The following PAPPA2 variants were observed in gnomAD, a reference collection of about 807,000 sequenced individuals.
The protein encoded by PAPPA2 is pappalysin 2, also known as pappalysin-2.
In PAPPA2, 86 loss-of-function variants were observed where a neutral mutation model predicts 176.4. The ratio of observed to expected loss-of-function variants is 0.49; its 90% CI spans 0.41 to 0.58. The LOEUF (loss-of-function observed/expected upper bound fraction) is 0.58, where lower values mean the gene tolerates loss of function less well. Among genes scored for constraint, PAPPA2 ranks in the 20% least tolerant of loss-of-function variants. PAPPA2 has a pLI of 0.00. For missense variants in PAPPA2, 2,073 were observed against 2,256.9 expected, an observed-to-expected ratio of 0.92 and a Z score of 1.65; for synonymous variants, 809 against 852.2, an observed-to-expected ratio of 0.95 and a Z score of 0.88.
At chr1:176,816,168 A>T (rs1361512314) in intron 21 of PAPPA2, among the ~76,000 whole-genome samples, 1 of 118,716 alleles carries the variant, frequency 8.4e-6, no homozygotes, top group East Asian at 2.5e-4. Flanking sequence ...ATATATATAT[A>T]TATATATATA....
At chr1:176,472,406 T>A (rs1651922922) in intron 1 of PAPPA2, among the ~76,000 whole-genome samples, 1 of 152,188 alleles carries the variant, frequency 6.6e-6, no homozygotes. Flanking sequence ...TCATTGACAT[T>A]TGAATCCTTT....
At chr1:176,802,575 CACAG>C (rs1372039711) in intron 21 of PAPPA2, among the ~76,000 whole-genome samples, 1 of 152,124 alleles carries the variant, frequency 6.6e-6, no homozygotes. Flanking sequence ...AAAAGTGCAG[CACAG>C]AAATCTGAGC....
At chr1:176,467,335 C>A (rs897549122) in intron 1 of PAPPA2, among the ~76,000 whole-genome samples, 3 of 152,196 alleles carry the variant, frequency 2.0e-5, no homozygotes, top group South Asian at 2.1e-4. Flanking sequence ...AGCTGAGGAG[C>A]TTTTCTCCTC....
Position 176,537,320 on chromosome 1 carries a change from T to C in PAPPA2, c.-916-18087T>C, listed in dbSNP as rs960748273. 2.0e-5 allele frequency: 3 copies of C among 152,376 alleles called. No homozygotes were observed. In the South Asian group the frequency reaches 6.2e-4, roughly 32 times the overall value. 9.4% of individuals were successfully genotyped at this position (152,376 alleles called of 1,614,324 possible). A position where few individuals can be genotyped will look rare whatever the true frequency, so the allele number is the denominator to read the frequency against. Reference sequence around the variant, plus strand: ...CCCAGCCCTACTCCTCTCAAGGCAGTGGACAAGGCTCACGTGTTAGAAAGT... The same window carrying C: ...CCCAGCCCTACTCCTCTCAAGGCAGCGGACAAGGCTCACGTGTTAGAAAGT... On this transcript the variant is annotated intron_variant, in intron 1 of 22. Transcript: ENST00000367662.
At chr1:176,687,473 G>T (rs770887502) in intron 4 of PAPPA2, among the ~76,000 whole-genome samples, 18 of 152,148 alleles carry the variant, frequency 1.2e-4, no homozygotes, top group Non-Finnish European at 2.2e-4. Context: ...AGAGACTTCT[G>T]CTGGTTGATG....
chr1:176,599,188 TAC>T (rs1308154237), intron 3 of PAPPA2, among the ~76,000 whole-genome samples: 3 of 147,522 alleles, frequency 2.0e-5, no homozygotes, highest in Non-Finnish European at 4.5e-5. Context: ...TGTATGTATG[TAC>T]ATATATATAT....
At chr1:176,497,603 C>A (rs1279261103) in intron 1 of PAPPA2, among the ~76,000 whole-genome samples, 2 of 151,416 alleles carry the variant, frequency 1.3e-5, no homozygotes, top group African/African-American at 4.9e-5. Context: ...AGTTTTCACA[C>A]AAAAAAAAGG....
At chr1:176,542,493 C>A (rs1200419271) in intron 1 of PAPPA2, among the ~76,000 whole-genome samples, 1 of 152,210 alleles carries the variant, frequency 6.6e-6, no homozygotes, top group East Asian at 1.9e-4. Flanking sequence ...TGTCAGACAG[C>A]CTGTGCTGTC....
At chr1:176,715,983 TTAATA>T (rs1289657812) in intron 12 of PAPPA2, among the ~76,000 whole-genome samples, 6 of 150,472 alleles carry the variant, frequency 4.0e-5, no homozygotes, top group African/African-American at 1.2e-4. Context: ...TATATTAATA[TTAATA>T]TATTAATTAA....
intron 12 of PAPPA2, among the ~76,000 whole-genome samples, chr1:176,715,713 A>G (rs1405902371): frequency 1.3e-5 from 2 of 152,288 alleles, no homozygotes; most frequent in Middle Eastern, 3.4e-3. Flanking sequence ...TAAATGAGCA[A>G]TGACGTTGAT....
At chr1:176,672,273 A>T in intron 4 of PAPPA2, among the ~76,000 whole-genome samples, 1 of 152,122 alleles carries the variant, frequency 6.6e-6, no homozygotes, top group Non-Finnish European at 1.5e-5. Context: ...TTTTAAAATA[A>T]GTTACCAAAA....
intron 3 of PAPPA2, among the ~76,000 whole-genome samples, chr1:176,616,010 A>G (rs752171142): frequency 1.1e-4 from 17 of 152,222 alleles, no homozygotes; most frequent in Non-Finnish European, 2.2e-4. Flanking sequence ...ATTTTGGGAA[A>G]GGTCAGTTGG....
intron 1 of PAPPA2, among the ~76,000 whole-genome samples, chr1:176,547,065 A>C (rs1482976993): frequency 1.3e-5 from 2 of 152,140 alleles, no homozygotes; most frequent in Admixed American, 1.3e-4. Flanking sequence ...AATAACCACA[A>C]TCCTCATGCG....
chr1:176,471,835 T>C (rs928290240), intron 1 of PAPPA2, among the ~76,000 whole-genome samples: 9 of 152,222 alleles, frequency 5.9e-5, no homozygotes, highest in Non-Finnish European at 1.2e-4. Flanking sequence ...GAGTTTCTTG[T>C]AGGCCGGATG....
intron 6 of PAPPA2, 54 bp from the exon 7 acceptor site, chr1:176,695,684 A>G: frequency 1.9e-6 from 3 of 1,597,734 alleles, no homozygotes; most frequent in Middle Eastern, 3.3e-4. Flanking sequence ...TTCTTATCCC[A>G]ACTCATCTGA....
intron 3 of PAPPA2, among the ~76,000 whole-genome samples, chr1:176,638,389 G>C (rs1232196297): frequency 2.0e-5 from 3 of 152,040 alleles, no homozygotes; most frequent in Non-Finnish European, 4.4e-5. Flanking sequence ...AGAAGGAGGA[G>C]GTGGTGGGTA....
At chr1:176,790,613 A>T (rs1665132864) in intron 18 of PAPPA2, among the ~76,000 whole-genome samples, 1 of 152,184 alleles carries the variant, frequency 6.6e-6, no homozygotes, top group South Asian at 2.1e-4. Flanking sequence ...AACAGATGTG[A>T]AAAGAATATG....
chr1:176,690,486 G>C (rs747487851), intron 5 of PAPPA2, 56 bp downstream of exon 5: 1 of 1,584,008 alleles, frequency 6.3e-7, no homozygotes, highest in Non-Finnish European at 8.6e-7. Flanking sequence ...GCCTTTGAGA[G>C]CTGGGAGGGT....
intron 17 of PAPPA2, among the ~76,000 whole-genome samples, chr1:176,789,434 G>A (rs960410329): frequency 4.6e-5 from 7 of 152,060 alleles, no homozygotes; most frequent in South Asian, 2.1e-4. Context: ...GATAGCATTA[G>A]GAGATATACC....
Sources: gnomAD v4.1 joint callset for allele counts (sites outside exome capture counted in the v4.1 genomes callset) on GRCh38, gnomAD v4.1.1 for gene constraint, MANE v1.5 for transcripts, NCBI Gene and HGNC (gene_info 2026-07-23, HGNC 2026-07-21) for gene names.